The following VWA8 variants were observed in gnomAD, a reference collection of about 807,000 sequenced individuals.
VWA8 encodes the protein von Willebrand factor A domain-containing protein 8.
In VWA8, 221 loss-of-function variants were observed where a neutral mutation model predicts 241.5. The observed-to-expected ratio is 0.91, with a 90% CI of 0.82 to 1.02. VWA8 has a LOEUF of 1.02. VWA8 is among the 50% of genes least tolerant of loss of function. The pLI is 0.00. For synonymous variants in VWA8, 852 were observed against 827.1 expected (o/e 1.03, Z -0.52); for missense variants, 2,322 against 2,328.7 (o/e 1.00, Z 0.06).
intron 37 of VWA8, among the ~76,000 whole-genome samples, chr13:41,664,448 A>G (rs1240480988): frequency 2.0e-5 from 3 of 148,426 alleles, no homozygotes; most frequent in Non-Finnish European, 3.0e-5. Context: ...GTTATACTGT[A>G]TATCTGGTTC....
intron 26 of VWA8, among the ~76,000 whole-genome samples, chr13:41,709,912 G>T (rs2045305761): frequency 6.6e-6 from 1 of 151,886 alleles, no homozygotes; most frequent in Non-Finnish European, 1.5e-5. Context: ...CTCCTGAGTA[G>T]CTGGGACTAC....
intron 12 of VWA8, among the ~76,000 whole-genome samples, chr13:41,859,555 A>G (rs933000194): frequency 6.6e-6 from 1 of 152,230 alleles, no homozygotes; most frequent in Non-Finnish European, 1.5e-5. Flanking sequence ...TAGTGTATTT[A>G]TGATGATGTA....
intron 25 of VWA8, among the ~76,000 whole-genome samples, chr13:41,721,018 AATATTTTTTACCTGC>A (rs2045385816): frequency 6.6e-6 from 1 of 152,110 alleles, no homozygotes; most frequent in Non-Finnish European, 1.5e-5. Flanking sequence ...TCAAAATGAA[AATATTTTTTACCTGC>A]ATACCACATG....
intron 21 of VWA8, among the ~76,000 whole-genome samples, chr13:41,753,348 C>CT (rs2045670114): frequency 6.6e-6 from 1 of 152,064 alleles, no homozygotes; most frequent in African/African-American, 2.4e-5. Context: ...ATAAGTCTGA[C>CT]TTTAATCTTG....
intron 2 of VWA8, among the ~76,000 whole-genome samples, chr13:41,945,226 T>C (rs1189625185): frequency 6.6e-6 from 1 of 151,534 alleles, no homozygotes. Flanking sequence ...ACCACTAAGC[T>C]AACAAGGCAT....
intron 12 of VWA8, chr13:41,865,407 G>T: frequency 3.2e-6 from 1 of 316,580 alleles, no homozygotes; most frequent in Non-Finnish European, 6.1e-6. Flanking sequence ...CAAACAGTAG[G>T]TCTTATTTCT....
intron 21 of VWA8, among the ~76,000 whole-genome samples, chr13:41,750,270 T>C (rs1023117402): frequency 6.6e-6 from 1 of 151,692 alleles, no homozygotes; most frequent in African/African-American, 2.4e-5. Flanking sequence ...CTGTCTCTAC[T>C]AAAAATACAA....
chr13:41,820,670 T>C (rs1032410016), intron 14 of VWA8, among the ~76,000 whole-genome samples: 9 of 152,160 alleles, frequency 5.9e-5, no homozygotes, highest in Non-Finnish European at 1.3e-4. Flanking sequence ...AGAGTTGTTC[T>C]GGAAAAAGAG....
At chr13:41,825,243 CT>C (rs1246380693) in intron 14 of VWA8, among the ~76,000 whole-genome samples, 2 of 152,132 alleles carry the variant, frequency 1.3e-5, no homozygotes, top group Non-Finnish European at 1.5e-5. Flanking sequence ...TGAAGTAATG[CT>C]AACACTCAAT....
At chr13:41,770,636 A>T (rs1339707863) in intron 20 of VWA8, among the ~76,000 whole-genome samples, 2 of 151,966 alleles carry the variant, frequency 1.3e-5, no homozygotes, top group Non-Finnish European at 2.9e-5. Context: ...CTCACTGCTG[A>T]TAGATCAGAA....
At chr13:41,825,942 G>A (rs1477010650) in intron 14 of VWA8, among the ~76,000 whole-genome samples, 1 of 152,136 alleles carries the variant, frequency 6.6e-6, no homozygotes, top group African/African-American at 2.4e-5. Context: ...TCCTCATTCA[G>A]TACAAATTTG....
At chr13:41,594,490 A>T (rs2044475720) in intron 40 of VWA8, among the ~76,000 whole-genome samples, 1 of 152,140 alleles carries the variant, frequency 6.6e-6, no homozygotes, top group South Asian at 2.1e-4. Context: ...TACCACAGAG[A>T]AAATAAAAAA....
intron 16 of VWA8, among the ~76,000 whole-genome samples, chr13:41,813,774 G>A (rs1402313772): frequency 2.0e-5 from 3 of 152,060 alleles, no homozygotes; most frequent in African/African-American, 7.2e-5. Context: ...AAAGGGTTTG[G>A]TAATCTCTGC....
At chr13:41,851,928 T>C (rs2138030586) in intron 12 of VWA8, among the ~76,000 whole-genome samples, 1 of 152,324 alleles carries the variant, frequency 6.6e-6, no homozygotes, top group African/African-American at 2.4e-5. Context: ...ACTGACTTTA[T>C]TTCCTTTGTA....
At chr13:41,628,936 G>A (rs970955735) in intron 37 of VWA8, among the ~76,000 whole-genome samples, 2 of 152,142 alleles carry the variant, frequency 1.3e-5, no homozygotes, top group Non-Finnish European at 2.9e-5. Flanking sequence ...AGCTACTCGG[G>A]AGGCTGAGGG....
intron 37 of VWA8, among the ~76,000 whole-genome samples, chr13:41,651,556 T>C (rs9594604): frequency 0.33 from 50,186 of 152,110 alleles, 9,221 homozygotes; most frequent in Non-Finnish European, 0.42. Context: ...AACTGTGCCT[T>C]TGTAGTGCAA....
At chr13:41,637,648 C>T (rs992056630) in intron 37 of VWA8, among the ~76,000 whole-genome samples, 3 of 151,876 alleles carry the variant, frequency 2.0e-5, no homozygotes, top group Admixed American at 1.3e-4. Flanking sequence ...ATTGTGTTAC[C>T]GATTCACCAG....
chr13:41,726,504 C>T (rs2045434964), intron 24 of VWA8, among the ~76,000 whole-genome samples: 1 of 152,146 alleles, frequency 6.6e-6, no homozygotes, highest in Non-Finnish European at 1.5e-5. Flanking sequence ...AATCAGTCTC[C>T]TCAGAGCTGA....
chr13:41,731,382 A>T (rs948976579), intron 22 of VWA8, among the ~76,000 whole-genome samples: 2 of 152,126 alleles, frequency 1.3e-5, no homozygotes, highest in African/African-American at 4.8e-5. Context: ...AGAACCATTT[A>T]AAAAAACTTT....
Sources: gnomAD v4.1 joint callset for allele counts (sites outside exome capture counted in the v4.1 genomes callset) on GRCh38, gnomAD v4.1.1 for gene constraint, MANE v1.5 for transcripts, NCBI Gene and HGNC (gene_info 2026-07-23, HGNC 2026-07-21) for gene names.